Variants in ZNF384 observed in about 807,000 individuals in gnomAD.
The protein encoded by ZNF384 is CAG repeat protein 1.
Under a neutral mutation model 65.0 loss-of-function variants are expected in ZNF384, and 20 were observed. The ratio of observed to expected loss-of-function variants is 0.31; its 90% CI spans 0.22 to 0.45. ZNF384 has a LOEUF of 0.45. Among genes scored for constraint, ZNF384 ranks in the 20% least tolerant of loss-of-function variants. The pLI is 1.00. For missense variants in ZNF384, 549 were observed against 769.4 expected, an observed-to-expected ratio of 0.71 and a Z score of 3.39; for synonymous variants, 310 against 303.9, an observed-to-expected ratio of 1.02 and a Z score of -0.21.
chr12:6,685,863 A>G (rs962708552), intron 2 of ZNF384, among the ~76,000 whole-genome samples: 15 of 152,106 alleles, frequency 9.9e-5, no homozygotes, highest in African/African-American at 3.6e-4. Flanking sequence ...ACAAGGAACT[A>G]CATATTCCTT....
chr12:6,680,888 A>G lies in ZNF384; in HGVS notation c.-5-1363T>C, dbSNP rs541329406. On this transcript the variant is annotated intron_variant, in intron 2 of 11. Transcript: ENST00000683879. ...GGCATGATAGTAGGCCAGAATACAC[A>G]CACAGTGCCAGACTCCTGCTTCCTA... Among the ~76,000 whole-genome samples the G allele has an allele frequency of 3.9e-5, 6 of 152,220 alleles. 1 individual carries two copies. Among genetic ancestry groups the G allele is most frequent in the African/African-American group, 1.2e-4 (5 of 41,530 alleles).
intron 2 of ZNF384, among the ~76,000 whole-genome samples, chr12:6,687,279 G>A (rs1958263491): frequency 6.6e-6 from 1 of 152,126 alleles, no homozygotes; most frequent in African/African-American, 2.4e-5. Flanking sequence ...GGCAACCTGG[G>A]CCAACAGCTT....
In ZNF384 at chr12:6,668,120, G is replaced by C. The variant is rs753637118; in HGVS notation, c.1426-5C>G. The C allele has an allele frequency of 6.4e-7, 1 of 1,566,046 alleles. No individual in the cohort carries two copies. Among genetic ancestry groups the C allele is most frequent in the Non-Finnish European group, 8.7e-7 (1 of 1,156,038 alleles). On this transcript the variant is annotated splice_polypyrimidine_tract_variant and splice_region_variant and intron_variant, in intron 11 of 11. Transcript: ENST00000683879. ...ATGTTTCATAAGGTATGTTTCCTGA[G>C]GGAGATGGTAAAAAGAAGTTGAGGG...
rs1592347578 is a variant in ZNF384, at chr12:6,666,688, GGAGA to G, written c.*1022_*1025del. 2.4e-5 allele frequency: 4 copies of G among 168,658 alleles called. No homozygotes were observed. In the East Asian group the frequency reaches 4.3e-4, roughly 18 times the overall value. The allele number at this position is 168,658 out of a possible 1,614,324, so 10.4% of individuals were successfully genotyped here. A position where few individuals can be genotyped will look rare whatever the true frequency, so the allele number is the denominator to read the frequency against. The stretch of plus-strand genomic sequence containing the variant: ...AATGCTGTGGCTAGAGGACAGGGGT[GGAGA>G]GAGGGAAAAAAAGGACAAAAATAAA... On this transcript the variant is annotated 3_prime_UTR_variant, in exon 12 of 12. Coordinates refer to ENST00000683879, the MANE Select transcript of ZNF384 (RefSeq NM_001385745.1).
intron 10 of ZNF384, 136 bp downstream of exon 10, chr12:6,670,624 C>A: frequency 2.6e-6 from 2 of 771,676 alleles, no homozygotes; most frequent in South Asian, 1.7e-5. Context: ...CTATTACCCA[C>A]ATAAACAAAA....
chr12:6,673,040 A>G lies in ZNF384; in HGVS notation c.1004+176T>C. 2 of 647,950 alleles carry G rather than the reference A, an allele frequency of 3.1e-6. No individual in the cohort carries two copies. The highest frequency in any genetic ancestry group is 2.6e-6 in the Non-Finnish European group (1 of 378,510). The allele number at this position is 647,950 out of a possible 1,614,324, so 40.1% of individuals were successfully genotyped here. On this transcript the variant is annotated intron_variant, in intron 8 of 11. Transcript: ENST00000683879. This position sits in a 1 kb window ranked among gnomAD's most constrained non-coding sequence, Gnocchi z 4.7. The stretch of plus-strand genomic sequence containing the variant: ...TTTGGAATTGGAGACCACAATTTTC[A>G]AGGCCCCCCAAATAGCTAGGATATA...
intron 10 of ZNF384, among the ~76,000 whole-genome samples, chr12:6,669,531 A>T (rs979378766): frequency 2.7e-5 from 4 of 146,848 alleles, no homozygotes; most frequent in African/African-American, 1.0e-4. Flanking sequence ...GAAGTCTCTC[A>T]CTCTGTCGCT....
chr12:6,669,557 C>T (rs1950704382), intron 10 of ZNF384, among the ~76,000 whole-genome samples: 1 of 151,342 alleles, frequency 6.6e-6, no homozygotes, highest in Non-Finnish European at 1.5e-5. Flanking sequence ...TGGAGTGCAG[C>T]GGCACAATCT....
intron 7 of ZNF384, among the ~76,000 whole-genome samples, chr12:6,676,919 T>G (rs1015810389): frequency 6.6e-6 from 1 of 152,208 alleles, no homozygotes; most frequent in Non-Finnish European, 1.5e-5. Context: ...CAATTCTGCA[T>G]AGCAACACTC....
At chr12:6,677,636 TTCC>T (rs909522100) in intron 6 of ZNF384, among the ~76,000 whole-genome samples, 17 of 152,164 alleles carry the variant, frequency 1.1e-4, no homozygotes, top group African/African-American at 4.1e-4. Context: ...AGGCATCCTA[TTCC>T]TCCTACCTTC....
At position 6,678,359 on chromosome 12, in the gene ZNF384, G is replaced by T. The variant is rs1363841980; in HGVS notation, c.454C>A (p.Pro152Thr). ...ACCTGCAGGGCTTGTGAGCCAGGGG[G>T]AAGAGCTGAGACAATCATGGGAGCC... Reference protein sequence around the residue: ...ISAPMIVSALPPGSQALQVVP... With the variant: ...ISAPMIVSALTPGSQALQVVP... The change falls in exon 6 of 12, where the codon CCC becomes ACC. Residue 152 changes from proline to threonine, a missense_variant. This residue lies in a region of ZNF384 where 277 missense variants were observed against 337.2 expected (regional missense o/e 0.82). Transcript: ENST00000683879. The surrounding 1 kb of genome is among the most constrained non-coding windows in gnomAD (Gnocchi z 4.9). 6.2e-7 allele frequency: 1 copy of T among 1,613,922 alleles called. No individual in the cohort carries two copies. Among genetic ancestry groups the T allele is most frequent in the Non-Finnish European group, 8.5e-7 (1 of 1,180,002 alleles).
At chr12:6,688,570 G>A (rs559994438) in intron 1 of ZNF384, 2 of 152,584 alleles carry the variant, frequency 1.3e-5, no homozygotes, top group Non-Finnish European at 1.5e-5. Flanking sequence ...GTGCCCCTGA[G>A]GAGTGGCTTC....
chr12:6,688,946 A>G (rs914467892), intron 1 of ZNF384, 152 bp downstream of exon 1: 1 of 146,936 alleles, frequency 6.8e-6, no homozygotes, highest in Non-Finnish European at 1.5e-5. Context: ...ATTCCTTCCC[A>G]TCGCCCGCTC....
chr12:6,682,826 C>T (rs1956531390), intron 2 of ZNF384, among the ~76,000 whole-genome samples: 2 of 152,178 alleles, frequency 1.3e-5, no homozygotes, highest in South Asian at 4.1e-4. Context: ...TCACCTAAGA[C>T]ACAATTACAT....
At chr12:6,683,487 G>T (rs867337488) in intron 2 of ZNF384, among the ~76,000 whole-genome samples, 1 of 150,376 alleles carries the variant, frequency 6.6e-6, no homozygotes, top group Non-Finnish European at 1.5e-5. Context: ...AGATCACCCT[G>T]GCCAACACGG....
chr12:6,678,043 C>G lies in ZNF384; in HGVS notation c.686+84G>C. On this transcript the variant is annotated intron_variant, in intron 6 of 11. Coordinates refer to ENST00000683879, the MANE Select transcript of ZNF384 (RefSeq NM_001385745.1). This position sits in a 1 kb window ranked among gnomAD's most constrained non-coding sequence, Gnocchi z 4.9. ...GAAGCTGTCAGAGTGTAGCGCCTGACCGGGGCAGAACACAATGAGGGTACA... is the reference window on the plus strand; with the variant it reads ...GAAGCTGTCAGAGTGTAGCGCCTGAGCGGGGCAGAACACAATGAGGGTACA... 7.5e-7 allele frequency: 1 copy of G among 1,329,024 alleles called. No individual in the cohort carries two copies. The highest frequency in any genetic ancestry group is 1.3e-5 in the South Asian group (1 of 75,254). The allele number at this position is 1,329,024 out of a possible 1,614,324, so 82.3% of individuals were successfully genotyped here.
chr12:6,681,251 A>C (rs532843684), intron 2 of ZNF384, among the ~76,000 whole-genome samples: 1 of 152,248 alleles, frequency 6.6e-6, no homozygotes, highest in Admixed American at 6.5e-5. Flanking sequence ...ACAAGAAGAA[A>C]AGTAACCCCT....
At chr12:6,668,796 T>C (rs191014520) in intron 11 of ZNF384, among the ~76,000 whole-genome samples, 38 of 152,116 alleles carry the variant, frequency 2.5e-4, no homozygotes, top group African/African-American at 8.9e-4. Flanking sequence ...TTTTGCCTTA[T>C]GTTTAAGTAA....
At chr12:6,671,432 C>T (rs1951458820) in intron 9 of ZNF384, 1 of 152,668 alleles carries the variant, frequency 6.6e-6, no homozygotes, top group African/African-American at 2.4e-5. Context: ...ACAGGGCCCT[C>T]TGCTAAGATG....
Sources: allele counts gnomAD v4.1 joint callset (sites outside exome capture counted in the v4.1 genomes callset), GRCh38; gene constraint gnomAD v4.1.1; regional missense constraint gnomAD v4.1.1; non-coding constraint Gnocchi (gnomAD v3.1); transcripts MANE v1.5; gene names NCBI Gene and HGNC (gene_info 2026-07-23, HGNC 2026-07-21).